Variants in TMEM232 observed in about 807,000 individuals in gnomAD.
TMEM232 encodes the protein transmembrane protein 232.
In TMEM232, 80 loss-of-function variants were observed where a neutral mutation model predicts 78.8. The ratio of observed to expected loss-of-function variants is 1.01; its 90% CI spans 0.85 to 1.22. TMEM232 has a LOEUF of 1.22. Among genes scored for constraint, TMEM232 ranks in the 50% most tolerant of loss-of-function variants. TMEM232 has a pLI of 0.00. For missense variants in TMEM232, 881 were observed against 742.2 expected, an observed-to-expected ratio of 1.19 and a Z score of -2.17; for synonymous variants, 297 against 254.3, an observed-to-expected ratio of 1.17 and a Z score of -1.60.
At chr5:110,700,798 A>ATAGATAGG (rs1170332391) in intron 1 of TMEM232, among the ~76,000 whole-genome samples, 1 of 150,768 alleles carries the variant, frequency 6.6e-6, no homozygotes, top group Non-Finnish European at 1.5e-5. Context: ...AGATAGATAG[A>ATAGATAGG]TAGATAGATA....
At chr5:110,687,518 C>T (rs1021613873) in intron 1 of TMEM232, among the ~76,000 whole-genome samples, 1 of 152,100 alleles carries the variant, frequency 6.6e-6, no homozygotes, top group Admixed American at 6.6e-5. Flanking sequence ...TAATTTCAGA[C>T]CCTGTAATAC....
chr5:110,410,014 G>A (rs1755931417), intron 2 of TMEM232, among the ~76,000 whole-genome samples: 1 of 152,210 alleles, frequency 6.6e-6, no homozygotes, highest in Non-Finnish European at 1.5e-5. Flanking sequence ...TTGGCAGGGA[G>A]TGTCTATTTA....
chr5:110,518,188 T>C (rs575813272), intron 12 of TMEM232, among the ~76,000 whole-genome samples: 6 of 152,234 alleles, frequency 3.9e-5, no homozygotes, highest in Admixed American at 6.5e-5. Context: ...GCAGGCACTA[T>C]TGATCTCCAT....
In TMEM232 at chr5:110,702,205, A is replaced by G. The variant is rs146484242; in HGVS notation, c.-13+24422T>C. 3.1e-3 allele frequency among the ~76,000 whole-genome samples: 468 copies of G among 152,172 alleles called. 1 individual carries two copies. The highest frequency in any genetic ancestry group is 0.011 in the African/African-American group (452 of 41,560). ...CTTACAATAGCCCCTGTTTTGGGCC[A>G]TATTTGGGCTGCTGCTTTTCCTTTT... On this transcript the variant is annotated intron_variant, in intron 1 of 13. Transcript: ENST00000455884.
intron 11 of TMEM232, among the ~76,000 whole-genome samples, chr5:110,542,428 A>G (rs1263135499): frequency 6.6e-6 from 1 of 152,078 alleles, no homozygotes; most frequent in Middle Eastern, 3.2e-3. Context: ...AGAGACCATC[A>G]AGCTTCAGAT....
intron 2 of TMEM232, among the ~76,000 whole-genome samples, chr5:110,656,316 C>A (rs533011594): frequency 1.8e-4 from 27 of 152,286 alleles, no homozygotes; most frequent in African/African-American, 6.3e-4. Flanking sequence ...CATTTTATCT[C>A]CACGTGTGTT....
intron 12 of TMEM232, among the ~76,000 whole-genome samples, chr5:110,507,404 T>C (rs756770721): frequency 2.0e-5 from 3 of 152,158 alleles, no homozygotes; most frequent in Non-Finnish European, 4.4e-5. Flanking sequence ...ACAACTACTC[T>C]ACCTCCACCA....
rs12108864 is a variant in TMEM232 at position 110,473,338 on chromosome 5, A to G, written c.1704-48422T>C. Among the ~76,000 whole-genome samples, 463 of 152,026 alleles carry G rather than the reference A, an allele frequency of 3.0e-3. 3 individuals are homozygous for G. The highest frequency in any genetic ancestry group is 0.011 in the African/African-American group (442 of 41,540). On this transcript the variant is annotated intron_variant, in intron 12 of 13. Coordinates refer to ENST00000455884, the MANE Select transcript of TMEM232 (RefSeq NM_001039763.4). ...CAAAAGTTACATAAAAATACTCAAC[A>G]TCACTGATCATCAGGAAAATGCAAC...
At chr5:110,461,464 A>G (rs548815527) in intron 12 of TMEM232, among the ~76,000 whole-genome samples, 10 of 152,314 alleles carry the variant, frequency 6.6e-5, no homozygotes, top group African/African-American at 1.9e-4. Flanking sequence ...TTCCTATATC[A>G]TAACAGTGCA....
intron 12 of TMEM232, among the ~76,000 whole-genome samples, chr5:110,510,100 T>G (rs1313441800): frequency 6.6e-6 from 1 of 152,198 alleles, no homozygotes; most frequent in Non-Finnish European, 1.5e-5. Flanking sequence ...CATGTTACTG[T>G]GCTCCTTCCC....
chr5:110,409,439 A>C (rs997200784), intron 2 of TMEM232, among the ~76,000 whole-genome samples: 3 of 152,218 alleles, frequency 2.0e-5, no homozygotes, highest in Non-Finnish European at 4.4e-5. Flanking sequence ...AGTAATTGTA[A>C]AACACTATCA....
At chr5:110,693,949 G>A (rs560029069) in intron 1 of TMEM232, among the ~76,000 whole-genome samples, 2 of 152,208 alleles carry the variant, frequency 1.3e-5, no homozygotes, top group South Asian at 4.2e-4. Flanking sequence ...AGGAAATACA[G>A]AGAATGCCAC....
chr5:110,595,046 C>T lies in TMEM232; in HGVS notation c.1276+10063G>A, dbSNP rs563730540. Reference sequence around the variant, plus strand: ...AGCTCCGGCTGGCATCAGGCAGGTACCCCTCTGGGATGAAGCTACCAGAGG... The same window carrying T: ...AGCTCCGGCTGGCATCAGGCAGGTATCCCTCTGGGATGAAGCTACCAGAGG... On this transcript the variant is annotated intron_variant, in intron 10 of 13. Coordinates refer to ENST00000455884, the MANE Select transcript of TMEM232 (RefSeq NM_001039763.4). Among the ~76,000 whole-genome samples, 38 of 152,270 alleles carry T rather than the reference C, an allele frequency of 2.5e-4. No homozygotes were observed. In the South Asian group the frequency reaches 3.3e-3, roughly 13 times the overall value.
In TMEM232 at chr5:110,420,688, T is replaced by C. The variant is rs1756536491; in HGVS notation, c.1866A>G (p.Lys622=). The change falls in exon 14 of 14, where the codon AAA becomes AAG. Residue 622 remains lysine, a synonymous_variant. Coordinates refer to ENST00000455884, the MANE Select transcript of TMEM232 (RefSeq NM_001039763.4). ...AICKAQELKD[K]KLAEKNHFQE... is the part of the protein sequence containing the mutation. ...GAAAGTGATTTTTCTCTGCTAACTT[T>C]TTATCTTTAAGTTCTTGGGCCTTGC... 2 of 1,526,916 alleles carry C rather than the reference T, an allele frequency of 1.3e-6. No homozygotes were observed. Among genetic ancestry groups the C allele is most frequent in the Non-Finnish European group, 8.7e-7 (1 of 1,144,200 alleles). The allele number at this position is 1,526,916 out of a possible 1,614,324, so 94.6% of individuals were successfully genotyped here. A position where few individuals can be genotyped will look rare whatever the true frequency, so the allele number is the denominator to read the frequency against.
intron 10 of TMEM232, among the ~76,000 whole-genome samples, chr5:110,580,123 A>G (rs954367772): frequency 6.6e-6 from 1 of 151,752 alleles, no homozygotes; most frequent in African/African-American, 2.4e-5. Flanking sequence ...TATAACAATT[A>G]TAAATATATA....
At chr5:110,695,054 A>T (rs980073567) in intron 1 of TMEM232, among the ~76,000 whole-genome samples, 2 of 152,236 alleles carry the variant, frequency 1.3e-5, no homozygotes, top group African/African-American at 4.8e-5. Context: ...AGTTGGAAGT[A>T]AAGCACTCCT....
At chr5:110,643,491 A>G (rs962019435) in intron 2 of TMEM232, among the ~76,000 whole-genome samples, 9 of 152,080 alleles carry the variant, frequency 5.9e-5, no homozygotes, top group African/African-American at 2.2e-4. Flanking sequence ...AAGTGTATGC[A>G]AGAGAACAAG....
intron 12 of TMEM232, among the ~76,000 whole-genome samples, chr5:110,436,027 GCTCCATAGTGCT>G (rs1452408865): frequency 1.3e-5 from 2 of 151,886 alleles, no homozygotes; most frequent in African/African-American, 4.8e-5. Context: ...TTCAGAGGAA[GCTCCATAGTGCT>G]CTCCATAGTG....
chr5:110,678,711 G>A (rs1241546415), intron 1 of TMEM232, among the ~76,000 whole-genome samples: 1 of 151,868 alleles, frequency 6.6e-6, no homozygotes, highest in Non-Finnish European at 1.5e-5. Context: ...ACCATGCCTG[G>A]CAACTAGTTT....
Sources: gnomAD v4.1 joint callset for allele counts (sites outside exome capture counted in the v4.1 genomes callset) on GRCh38, gnomAD v4.1.1 for gene constraint, MANE v1.5 for transcripts, NCBI Gene and HGNC (gene_info 2026-07-23, HGNC 2026-07-21) for gene names.